CCDC91: variants seen among roughly 807,000 people sequenced by gnomAD.
CCDC91 encodes the protein coiled-coil domain containing 91.
A neutral mutation model predicts 63.2 loss-of-function variants in CCDC91; 48 were observed. The observed-to-expected ratio is 0.76, with a 90% CI of 0.60 to 0.97. CCDC91 has a LOEUF of 0.97. Ranked by LOEUF, CCDC91 falls within the 50% of genes least tolerant of loss-of-function variation. CCDC91 has a pLI of 0.00. For missense variants in CCDC91, 500 were observed against 494.6 expected (o/e 1.01, Z -0.10); for synonymous variants, 167 against 165.8 (o/e 1.01, Z -0.06).
intron 6 of CCDC91, among the ~76,000 whole-genome samples, chr12:28,357,045 G>A (rs1004618983): frequency 3.3e-5 from 5 of 152,134 alleles, no homozygotes; most frequent in Admixed American, 6.5e-5. Flanking sequence ...ACTTGGCTTG[G>A]CAATTGCCAA....
intron 8 of CCDC91, among the ~76,000 whole-genome samples, chr12:28,420,440 T>A (rs1457679108): frequency 6.6e-6 from 1 of 152,168 alleles, no homozygotes; most frequent in African/African-American, 2.4e-5. Context: ...TTTTTCCTAC[T>A]TTAAAAGTCT....
intron 3 of CCDC91, among the ~76,000 whole-genome samples, chr12:28,282,068 G>A (rs1948639831): frequency 6.6e-6 from 1 of 151,960 alleles, no homozygotes. Flanking sequence ...TCAGGTAAAA[G>A]ACAAAAAGGA....
intron 3 of CCDC91, among the ~76,000 whole-genome samples, chr12:28,295,355 C>T (rs185641603): frequency 1.3e-4 from 19 of 151,614 alleles, no homozygotes; most frequent in African/African-American, 4.6e-4. Context: ...TAAAATATTT[C>T]CAAGAAATGT....
intron 12 of CCDC91, among the ~76,000 whole-genome samples, chr12:28,538,003 A>G (rs1362897421): frequency 6.6e-6 from 1 of 152,046 alleles, no homozygotes; most frequent in Non-Finnish European, 1.5e-5. Context: ...AGGTTTTGCT[A>G]TAATCTCTAA....
At chr12:28,360,565 A>G (rs1018036433) in intron 6 of CCDC91, among the ~76,000 whole-genome samples, 12 of 152,210 alleles carry the variant, frequency 7.9e-5, no homozygotes, top group African/African-American at 2.9e-4. Context: ...CATCACTACA[A>G]CCAACCTGGC....
At chr12:28,205,081 A>G (rs1012219836) in intron 1 of CCDC91, among the ~76,000 whole-genome samples, 3 of 152,076 alleles carry the variant, frequency 2.0e-5, no homozygotes, top group African/African-American at 7.2e-5. Context: ...ATTTTTAGTT[A>G]ATGACTCGGC....
At chr12:28,499,507 C>T (rs972596889) in intron 12 of CCDC91, among the ~76,000 whole-genome samples, 1 of 151,748 alleles carries the variant, frequency 6.6e-6, no homozygotes, top group Non-Finnish European at 1.5e-5. Flanking sequence ...CCTTCCCCTA[C>T]CCCCCACTCC....
intron 8 of CCDC91, among the ~76,000 whole-genome samples, chr12:28,401,729 CAG>C (rs1197953797): frequency 6.6e-6 from 1 of 152,168 alleles, no homozygotes; most frequent in Non-Finnish European, 1.5e-5. Context: ...GGTGAGGACA[CAG>C]AGCCAAACTA....
At chr12:28,417,417 A>G (rs763498560) in intron 8 of CCDC91, among the ~76,000 whole-genome samples, 1 of 151,944 alleles carries the variant, frequency 6.6e-6, no homozygotes, top group Admixed American at 6.6e-5. Flanking sequence ...CTTATTCCCC[A>G]TCCCTGATAC....
At chr12:28,301,457 AT>A (rs1056343081) in intron 3 of CCDC91, among the ~76,000 whole-genome samples, 7 of 151,368 alleles carry the variant, frequency 4.6e-5, no homozygotes, top group African/African-American at 1.7e-4. Flanking sequence ...TGCTGGATTC[AT>A]TTTTTTAATA....
At chr12:28,437,331 T>G (rs1948963865) in intron 8 of CCDC91, among the ~76,000 whole-genome samples, 2 of 152,106 alleles carry the variant, frequency 1.3e-5, no homozygotes, top group Non-Finnish European at 2.9e-5. Flanking sequence ...GTTGTACATT[T>G]AAAATATTTT....
At chr12:28,292,331 C>G (rs1358324551) in intron 3 of CCDC91, among the ~76,000 whole-genome samples, 1 of 152,148 alleles carries the variant, frequency 6.6e-6, no homozygotes, top group Non-Finnish European at 1.5e-5. Context: ...TTTATTTCAC[C>G]CTTATGGCTG....
At chr12:28,505,447 A>G (rs1428104527) in intron 12 of CCDC91, 1 of 151,900 alleles carries the variant, frequency 6.6e-6, no homozygotes, top group Non-Finnish European at 1.5e-5. Flanking sequence ...CTCGGAAGCT[A>G]AGGAGGGTCG....
At chr12:28,402,874 A>G (rs1019429170) in intron 8 of CCDC91, among the ~76,000 whole-genome samples, 2 of 152,132 alleles carry the variant, frequency 1.3e-5, no homozygotes, top group African/African-American at 4.8e-5. Context: ...GGATTTTTGT[A>G]AAGTGCTTTG....
At chr12:28,239,399 T>G (rs1945181740) in intron 1 of CCDC91, among the ~76,000 whole-genome samples, 1 of 152,130 alleles carries the variant, frequency 6.6e-6, no homozygotes, top group African/African-American at 2.4e-5. Context: ...AAAGATTTTT[T>G]AAAAATTGCA....
At chr12:28,239,270 GGCAAATGGA>G (rs796525617) in intron 1 of CCDC91, among the ~76,000 whole-genome samples, 63 of 152,166 alleles carry the variant, frequency 4.1e-4, no homozygotes, top group African/African-American at 1.4e-3. Context: ...CATTTTAATG[GGCAAATGGA>G]TGGAGCTGTC....
At chr12:28,362,935 A>G (rs1413588951) in intron 7 of CCDC91, among the ~76,000 whole-genome samples, 2 of 152,156 alleles carry the variant, frequency 1.3e-5, no homozygotes, top group African/African-American at 2.4e-5. Flanking sequence ...CTTTAGCAAT[A>G]ACAGAAATTA....
At chr12:28,252,596 C>T (rs1946196100) in intron 1 of CCDC91, among the ~76,000 whole-genome samples, 2 of 152,004 alleles carry the variant, frequency 1.3e-5, no homozygotes, top group African/African-American at 2.4e-5. Flanking sequence ...TGATCATTTT[C>T]TCCCCTGAAA....
intron 11 of CCDC91, 26 bp downstream of exon 11, chr12:28,452,680 T>C: frequency 7.8e-7 from 1 of 1,278,816 alleles, no homozygotes; most frequent in Non-Finnish European, 1.1e-6. Context: ...TGTTAGTAAA[T>C]ATTTACTTTT....
Sources: allele counts gnomAD v4.1 joint callset (sites outside exome capture counted in the v4.1 genomes callset), GRCh38; gene constraint gnomAD v4.1.1; transcripts MANE v1.5; gene names NCBI Gene and HGNC (gene_info 2026-07-23, HGNC 2026-07-21).